The following GHRL variants were observed in gnomAD, a reference collection of about 807,000 sequenced individuals.
GHRL encodes the protein ghrelin and obestatin prepropeptide, also known as appetite-regulating hormone.
In GHRL, 24 loss-of-function variants were observed where a neutral mutation model predicts 16.9. The observed-to-expected ratio is 1.42, with a 90% CI of 1.03 to 2.00. The LOEUF (loss-of-function observed/expected upper bound fraction) is 2.00. Ranked by LOEUF, GHRL falls within the 30% of genes most tolerant of loss-of-function variation. GHRL has a pLI of 0.00. For missense variants in GHRL, 193 were observed against 142.1 expected (o/e 1.36, Z -1.82); for synonymous variants, 63 against 58.2 (o/e 1.08, Z -0.37).
chr3:10,286,846 TC>T (rs748334893), intron 4 of GHRL, 34 bp from the exon 5 acceptor site: 1 of 1,254,014 alleles, frequency 8.0e-7, no homozygotes, highest in Non-Finnish European at 1.2e-6. Context: ...CCAGGAGATG[TC>T]AGAGGTCATG....
intron 5 of GHRL, 41 bp from the exon 6 acceptor site, chr3:10,285,935 T>C: frequency 6.3e-7 from 1 of 1,588,212 alleles, no homozygotes; most frequent in Non-Finnish European, 8.6e-7. Context: ...GGGTGCACCG[T>C]CCTGCTAGTG....
At chr3:10,285,976 G>C in intron 5 of GHRL, 82 bp from the exon 6 acceptor site, 1 of 1,237,448 alleles carries the variant, frequency 8.1e-7, no homozygotes, top group South Asian at 1.2e-5. Context: ...GATTGGAGGT[G>C]GGATGTAATG....
chr3:10,290,109 G>C lies in GHRL; in HGVS notation c.72C>G (p.Gly24=). 1 of 1,613,104 alleles carries C rather than the reference G, an allele frequency of 6.2e-7. No individual in the cohort carries two copies. Among genetic ancestry groups the C allele is most frequent in the Non-Finnish European group, 8.5e-7 (1 of 1,179,790 alleles). The change falls in exon 3 of 6, where the codon GGC becomes GGG. Residue 24 remains glycine, a synonymous_variant. Coordinates refer to ENST00000335542, the MANE Select transcript of GHRL (RefSeq NM_016362.5). ...GGTGTTCAGGGCTCAGGAAGCTGGA[G>C]CCTGCCATGGCCAAGTCCAGCCAGA... The part of the protein sequence containing the change: ...GMLWLDLAMA[G]SSFLSPEHQR...
At chr3:10,286,960 C>T in intron 4 of GHRL, 148 bp from the exon 5 acceptor site, 1 of 583,452 alleles carries the variant, frequency 1.7e-6, no homozygotes, top group East Asian at 2.9e-5. Context: ...AGTGACACCT[C>T]AGCCAGGTTC....
At position 10,291,253 on chromosome 3, in the gene GHRL, A is replaced by G. The variant is rs969164603; in HGVS notation, c.-567T>C. The G allele has an allele frequency of 6.1e-6, 6 of 985,384 alleles. No individual in the cohort carries two copies. In the African/African-American group the frequency reaches 1.0e-4, roughly 17 times the overall value. The allele number at this position is 985,384 out of a possible 1,614,324, so 61.0% of individuals were successfully genotyped here. A position where few individuals can be genotyped will look rare whatever the true frequency, so the allele number is the denominator to read the frequency against. ...GAGGAGTCCCACCTCCCGGTTGAGC[A>G]GACTGCTCCTGATCATCCTCTCCAG... On this transcript the variant is annotated 5_prime_UTR_variant, in exon 2 of 6. Transcript: ENST00000335542.
intron 4 of GHRL, 55 bp downstream of exon 4, chr3:10,289,707 C>A (rs2125210437): frequency 8.9e-7 from 1 of 1,123,422 alleles, no homozygotes. Context: ...CCTCCCTCTC[C>A]CCTGACCCCA....
chr3:10,290,743 G>A lies in GHRL; in HGVS notation c.-57C>T. ...GCAGTTCCTGGCGGAGGTGGTGCCT[G>A]GTGGCTGTCAGGTCCTTATATAGGA... On this transcript the variant is annotated 5_prime_UTR_variant, in exon 2 of 6. Coordinates refer to ENST00000335542, the MANE Select transcript of GHRL (RefSeq NM_016362.5). 1.0e-6 allele frequency: 1 copy of A among 997,766 alleles called. No individual in the cohort carries two copies. The highest frequency in any genetic ancestry group is 1.2e-6 in the Non-Finnish European group (1 of 837,650). The allele number at this position is 997,766 out of a possible 1,614,324, so 61.8% of individuals were successfully genotyped here. A position where few individuals can be genotyped will look rare whatever the true frequency, so the allele number is the denominator to read the frequency against.
At chr3:10,288,836 A>G (rs1168112672) in intron 4 of GHRL, among the ~76,000 whole-genome samples, 1 of 152,208 alleles carries the variant, frequency 6.6e-6, no homozygotes, top group East Asian at 1.9e-4. Context: ...GTGAGGAGGA[A>G]GAGGGCTTGG....
At chr3:10,291,571 G>A in intron 1 of GHRL, 120 bp from the exon 2 acceptor site, 5 of 586,444 alleles carry the variant, frequency 8.5e-6, no homozygotes, top group Non-Finnish European at 1.1e-5. Flanking sequence ...AGGCGATGGG[G>A]GGAAAGTGGC....
At chr3:10,286,255 A>C (rs1699049411) in intron 5 of GHRL, among the ~76,000 whole-genome samples, 1 of 152,048 alleles carries the variant, frequency 6.6e-6, no homozygotes. Flanking sequence ...TTCAAAGCAA[A>C]CCCTTTGCTT....
chr3:10,291,176 G>T lies in GHRL; in HGVS notation c.-490C>A. On this transcript the variant is annotated 5_prime_UTR_variant, in exon 2 of 6. Coordinates refer to ENST00000335542, the MANE Select transcript of GHRL (RefSeq NM_016362.5). The stretch of plus-strand genomic sequence containing the variant: ...GTGCTGTTGCTGCTCTGGCCTCTGT[G>T]AGCCCCGGGAGTCCGCAGGGAGCCA... 1.0e-6 allele frequency: 1 copy of T among 985,664 alleles called. No individual in the cohort carries two copies. The highest frequency in any genetic ancestry group is 1.7e-5 in the African/African-American group (1 of 57,378). The allele number at this position is 985,664 out of a possible 1,614,324, so 61.1% of individuals were successfully genotyped here.
At chr3:10,288,635 G>A (rs887951832) in intron 4 of GHRL, among the ~76,000 whole-genome samples, 1 of 152,334 alleles carries the variant, frequency 6.6e-6, no homozygotes, top group Admixed American at 6.5e-5. Flanking sequence ...TAGAGGAAAG[G>A]TCTGAACACC....
rs1274972980 is a variant in GHRL at position 10,290,167 on chromosome 3, C to T, written c.14G>A (p.Gly5Glu). ...GAGGAGCAGGAGGCTGCAGACGGTCCCTGGGGAGGGCATGGCCTCAGCTGG... is the reference window on the plus strand; with the variant it reads ...GAGGAGCAGGAGGCTGCAGACGGTCTCTGGGGAGGGCATGGCCTCAGCTGG... MPSP[G>E]TVCSLLLLGM... The change falls in exon 3 of 6, where the codon GGG becomes GAG. Residue 5 changes from glycine to glutamate, a missense_variant. Coordinates refer to ENST00000335542, the MANE Select transcript of GHRL (RefSeq NM_016362.5). 2.5e-6 allele frequency: 4 copies of T among 1,611,762 alleles called. No individual in the cohort carries two copies. The African/African-American group carries it at 4.0e-5, about 16-fold the overall frequency.
intron 4 of GHRL, among the ~76,000 whole-genome samples, chr3:10,289,373 C>A (rs146969981): frequency 1.3e-5 from 2 of 152,298 alleles, no homozygotes; most frequent in African/African-American, 2.4e-5. Context: ...ACAGTCCAGG[C>A]CCTGGAAGCC....
Position 10,285,762 on chromosome 3 carries a change from A to G in GHRL, c.*113T>C. ...TGGAACATCAGCATACAGTTTGAAC[A>G]TTTATTCGCCTCCTGAGCTTGTACA... On this transcript the variant is annotated 3_prime_UTR_variant, in exon 6 of 6. Transcript: ENST00000335542. 2.6e-6 allele frequency: 2 copies of G among 782,972 alleles called. No individual in the cohort carries two copies. The highest frequency in any genetic ancestry group is 1.5e-5 in the South Asian group (1 of 66,074). The allele number at this position is 782,972 out of a possible 1,614,324, so 48.5% of individuals were successfully genotyped here.
intron 4 of GHRL, chr3:10,288,020 A>G (rs1699349759): frequency 6.9e-6 from 1 of 145,316 alleles, no homozygotes; most frequent in South Asian, 2.1e-4. Context: ...GGGGTGGCTG[A>G]TCACCTGGCA....
chr3:10,289,930 GA>G, intron 3 of GHRL, 52 bp from the exon 4 acceptor site: 1 of 1,509,224 alleles, frequency 6.6e-7, no homozygotes, highest in East Asian at 2.3e-5. Context: ...TGTCCTTCCA[GA>G]AACAGTGAGG....
Position 10,291,416 on chromosome 3 carries a change from A to G in GHRL, c.-730T>C. The G allele has an allele frequency of 1.0e-6, 1 of 985,488 alleles. No individual in the cohort carries two copies. Among genetic ancestry groups the G allele is most frequent in the Non-Finnish European group, 1.2e-6 (1 of 830,010 alleles). 61.0% of individuals were successfully genotyped at this position (985,488 alleles called of 1,614,324 possible). ...CTCCAGCAGCTTTGGTCCCTATTTT[A>G]GCGGATGCCTCTTCTGAGAGGGAAG... On this transcript the variant is annotated 5_prime_UTR_variant, in exon 2 of 6. The change abolishes the stop of an existing upstream ORF in the 5' untranslated region. Transcript: ENST00000335542.
intron 5 of GHRL, 26 bp from the exon 6 acceptor site, chr3:10,285,920 A>T: frequency 6.2e-7 from 1 of 1,609,264 alleles, no homozygotes; most frequent in African/African-American, 1.3e-5. Context: ...TTGAGTAAGA[A>T]TGCTGGGTGC....
Sources: gnomAD v4.1 joint callset for allele counts (sites outside exome capture counted in the v4.1 genomes callset) on GRCh38, gnomAD v4.1.1 for gene constraint, MANE v1.5 for transcripts, NCBI Gene and HGNC (gene_info 2026-07-23, HGNC 2026-07-21) for gene names.